The following RBFOX1 variants were observed in gnomAD, a reference collection of about 807,000 sequenced individuals.
The protein encoded by RBFOX1 is RNA binding protein fox-1 homolog 1.
RBFOX1 carries 8 observed loss-of-function variants against 57.7 expected under a neutral mutation model. The ratio of observed to expected loss-of-function variants is 0.14; its 90% confidence interval spans 0.08 to 0.25. The LOEUF is 0.25. RBFOX1 is among the 10% of genes least tolerant of loss of function. The probability of loss-of-function intolerance (pLI) is 1.00; values close to 1 mark genes in which losing one functional copy is unlikely to be tolerated. For synonymous variants in RBFOX1, 326 were observed against 222.4 expected, an observed-to-expected ratio of 1.47 and a Z score of -4.15; for missense variants, 611 against 548.5, an observed-to-expected ratio of 1.11 and a Z score of -1.14.
intron 4 of RBFOX1, among the ~76,000 whole-genome samples, chr16:5,953,820 T>G (rs1205201639): frequency 1.3e-5 from 2 of 152,128 alleles, no homozygotes; most frequent in Admixed American, 6.5e-5. Context: ...AACCTGCGTG[T>G]GCAAGTATTT....
chr16:6,938,550 C>CA (rs1462836728), intron 3 of RBFOX1, among the ~76,000 whole-genome samples: 14 of 139,224 alleles, frequency 1.0e-4, no homozygotes, highest in African/African-American at 3.8e-4. Context: ...CATTACCAGA[C>CA]ACTGAATTAC....
chr16:6,066,219 G>T (rs374569269), intron 1 of RBFOX1, among the ~76,000 whole-genome samples: 204 of 149,586 alleles, frequency 1.4e-3, no homozygotes, highest in African/African-American at 5.0e-3. Context: ...GCTTGAACTG[G>T]GGGGGTTGGA....
chr16:6,296,422 A>ATTTTTTTTTTTTTTTTTTTTTTT (rs541581252), intron 1 of RBFOX1, among the ~76,000 whole-genome samples: 1 of 147,446 alleles, frequency 6.8e-6, no homozygotes, highest in Non-Finnish European at 1.5e-5. Context: ...GAGGGGATGT[A>ATTTTTTTTTTTTTTTTTTTTTTT]CTTTTTTTTT....
intron 3 of RBFOX1, among the ~76,000 whole-genome samples, chr16:5,683,229 C>A (rs1055833029): frequency 6.6e-6 from 1 of 152,026 alleles, no homozygotes; most frequent in Non-Finnish European, 1.5e-5. Context: ...ACTTGGGAAG[C>A]CTTCGAAAAA....
Position 7,384,861 on chromosome 16 carries a change from A to T in RBFOX1, c.28-133286A>T, listed in dbSNP as rs35363146. Among the ~76,000 whole-genome samples, 736 of 152,340 alleles carry T rather than the reference A, an allele frequency of 4.8e-3. 4 individuals are homozygous for T. The highest frequency in any genetic ancestry group is 6.2e-3 in the Non-Finnish European group (422 of 68,040). ...TTATATTCTAGTTGAAAGGAGGCAA[A>T]CAATAAATAACTGTGTAAATTAATA... On this transcript the variant is annotated intron_variant, in intron 4 of 15. Coordinates refer to ENST00000550418, the MANE Select transcript of RBFOX1 (RefSeq NM_018723.4).
intron 4 of RBFOX1, among the ~76,000 whole-genome samples, chr16:5,945,007 A>G (rs1319209996): frequency 7.2e-6 from 1 of 139,396 alleles, no homozygotes; most frequent in African/African-American, 2.6e-5. Flanking sequence ...GAGAGAGAGA[A>G]AGAGAGAGAA....
At chr16:6,888,282 G>C (rs934851940) in intron 3 of RBFOX1, among the ~76,000 whole-genome samples, 6 of 152,290 alleles carry the variant, frequency 3.9e-5, no homozygotes, top group African/African-American at 7.2e-5. Flanking sequence ...TTGTGTTTCT[G>C]ACAGCTTAAG....
At chr16:6,788,596 C>G (rs1261446437) in intron 3 of RBFOX1, among the ~76,000 whole-genome samples, 2 of 152,064 alleles carry the variant, frequency 1.3e-5, no homozygotes, top group East Asian at 3.9e-4. Flanking sequence ...CTGCCTCAGC[C>G]TCCCGAGTAG....
chr16:6,082,785 C>T (rs530995058), intron 1 of RBFOX1, among the ~76,000 whole-genome samples: 1 of 152,198 alleles, frequency 6.6e-6, no homozygotes, highest in East Asian at 1.9e-4. Context: ...CTGAGGATAT[C>T]AGTTTGGCTT....
chr16:7,234,598 G>T (rs534533219), intron 4 of RBFOX1, among the ~76,000 whole-genome samples: 1,781 of 150,732 alleles, frequency 0.012, 19 homozygotes, highest in Middle Eastern at 0.056. Context: ...ATGTGTGTGT[G>T]TGTGTGTGTG....
At chr16:6,578,598 C>CGTGTGT (rs57470848) in intron 2 of RBFOX1, among the ~76,000 whole-genome samples, 10 of 110,666 alleles carry the variant, frequency 9.0e-5, no homozygotes, top group African/African-American at 1.2e-4. Context: ...GGTGTGTGTG[C>CGTGTGT]GTGTGTGTGT....
chr16:6,550,923 A>G (rs548815035), intron 2 of RBFOX1, among the ~76,000 whole-genome samples: 1 of 152,178 alleles, frequency 6.6e-6, no homozygotes. Flanking sequence ...GGGCAACTCA[A>G]GTTATCATCA....
chr16:5,475,658 G>C (rs866348756), intron 2 of RBFOX1, among the ~76,000 whole-genome samples: 2 of 152,218 alleles, frequency 1.3e-5, no homozygotes, highest in African/African-American at 4.8e-5. Flanking sequence ...CCTAATCTTT[G>C]TGACAACCCA....
rs146496424 is a variant in RBFOX1 at position 5,296,714 on chromosome 16, C to T, written c.219+56609C>T. 4.5e-3 allele frequency among the ~76,000 whole-genome samples: 680 copies of T among 150,482 alleles called. 6 individuals are homozygous for T. The highest frequency in any genetic ancestry group is 0.014 in the African/African-American group (583 of 40,890). ...TTTTTTTTGAGATGGAGTGTCGCTC[C>T]GTCATCCAGGCTGGAGTGCAGTGGC... On this transcript the variant is annotated intron_variant, in intron 1 of 2. Transcript: ENST00000585867.
At chr16:6,695,423 AAAAAAAAAAAAAAAGGAAAGGAAG>A (rs2060887450) in intron 3 of RBFOX1, among the ~76,000 whole-genome samples, 1 of 93,868 alleles carries the variant, frequency 1.1e-5, no homozygotes, top group Admixed American at 1.1e-4. Context: ...CAAAAAAAAA[AAAAAAAAAAAAAAAGGAAAGGAAG>A]GGAAAGGAAA....
At chr16:6,937,179 T>C (rs56657895) in intron 3 of RBFOX1, among the ~76,000 whole-genome samples, 17,173 of 152,196 alleles carry the variant, frequency 0.11, 3,194 homozygotes, top group African/African-American at 0.39. Context: ...TCCAAATTTT[T>C]ATTCTGGAAA....
chr16:6,659,188 A>C (rs182769610), intron 3 of RBFOX1, among the ~76,000 whole-genome samples: 5 of 152,132 alleles, frequency 3.3e-5, no homozygotes, highest in Admixed American at 3.3e-4. Flanking sequence ...ATGAGAGGAG[A>C]GGCTGATGGA....
At chr16:6,392,975 A>C (rs977049920) in intron 2 of RBFOX1, among the ~76,000 whole-genome samples, 1 of 152,198 alleles carries the variant, frequency 6.6e-6, no homozygotes, top group Non-Finnish European at 1.5e-5. Context: ...GCTTGTTTCA[A>C]GATGCTCACT....
chr16:6,018,483 C>G (rs1487454009), upstream of RBFOX1, among the ~76,000 whole-genome samples: 4 of 152,104 alleles, frequency 2.6e-5, no homozygotes, highest in African/African-American at 9.7e-5. Context: ...GAGGACAATC[C>G]CTAGACCCCT....
Sources: gnomAD v4.1 joint callset for allele counts (sites outside exome capture counted in the v4.1 genomes callset) on GRCh38, gnomAD v4.1.1 for gene constraint, MANE v1.5 for transcripts, NCBI Gene and HGNC (gene_info 2026-07-23, HGNC 2026-07-21) for gene names.